The following NTM variants were observed in gnomAD, a reference collection of about 807,000 sequenced individuals.
NTM encodes the protein IgLON family member 2.
A neutral mutation model predicts 42.1 loss-of-function variants in NTM; 13 were observed. The observed-to-expected ratio is 0.31, with a 90% CI of 0.20 to 0.49. The LOEUF is 0.49. Ranked by LOEUF, NTM falls within the 20% of genes least tolerant of loss-of-function variation. The pLI, the probability that NTM is intolerant of heterozygous loss-of-function variation, is 0.99. For missense variants in NTM, 373 were observed against 452.8 expected (o/e 0.82, Z 1.60); for synonymous variants, 187 against 179.2 (o/e 1.04, Z -0.35).
At chr11:131,675,289 T>A (rs1449495342) in intron 1 of NTM, among the ~76,000 whole-genome samples, 1 of 152,220 alleles carries the variant, frequency 6.6e-6, no homozygotes, top group Non-Finnish European at 1.5e-5. Context: ...TCAAACCCAA[T>A]ATATCACGGG....
chr11:132,129,115 TTGTG>T (rs370465309), intron 2 of NTM, among the ~76,000 whole-genome samples: 1 of 151,828 alleles, frequency 6.6e-6, no homozygotes, highest in South Asian at 2.1e-4. Context: ...AGATGTGTGT[TTGTG>T]TGTGTGTGTT....
At chr11:131,661,403 G>A (rs757113312) in intron 1 of NTM, among the ~76,000 whole-genome samples, 36 of 152,326 alleles carry the variant, frequency 2.4e-4, no homozygotes, top group South Asian at 2.1e-4. Flanking sequence ...AAGGAAGAAC[G>A]TCATTCCTGA....
chr11:131,812,607 C>A (rs2092785183), intron 1 of NTM, among the ~76,000 whole-genome samples: 1 of 152,246 alleles, frequency 6.6e-6, no homozygotes, highest in Middle Eastern at 3.4e-3. Context: ...GAGCCTCCCA[C>A]CGGAACTCCA....
At chr11:131,424,579 G>GTTTTTTTTTTTTTTTT (rs1591628596) in intron 1 of NTM, among the ~76,000 whole-genome samples, 1 of 65,946 alleles carries the variant, frequency 1.5e-5, no homozygotes, top group African/African-American at 6.4e-5. Context: ...TTGCTTAGTT[G>GTTTTTTTTTTTTTTTT]TTTTTTATTT....
Position 132,168,610 on chromosome 11 carries a change from T to TC in NTM, c.400+22097dup, listed in dbSNP as rs984122394. 3.9e-5 allele frequency among the ~76,000 whole-genome samples: 6 copies of TC among 152,338 alleles called. No individual in the cohort carries two copies. The East Asian group carries it at 1.2e-3, about 29-fold the overall frequency. On this transcript the variant is annotated intron_variant, in intron 3 of 8. Coordinates refer to ENST00000683400, the MANE Select transcript of NTM (RefSeq NM_001352005.2). ...AGCCTCATCTCCTGGGCAGTGTTTT[T>TC]CTCCATCATTTGCTTTATTAAATAT...
chr11:131,967,552 T>C (rs1261841594), intron 2 of NTM, among the ~76,000 whole-genome samples: 1 of 152,000 alleles, frequency 6.6e-6, no homozygotes, highest in Admixed American at 6.6e-5. Context: ...ACCATTTTAA[T>C]GGGCCAGGGA....
chr11:132,281,412 A>T (rs1468133057), intron 4 of NTM, among the ~76,000 whole-genome samples: 2 of 152,292 alleles, frequency 1.3e-5, no homozygotes, highest in East Asian at 3.9e-4. Context: ...CCTCCGAAAG[A>T]GTTCAATATA....
At chr11:131,760,358 G>T (rs2083961104) in intron 1 of NTM, among the ~76,000 whole-genome samples, 1 of 152,060 alleles carries the variant, frequency 6.6e-6, no homozygotes, top group African/African-American at 2.4e-5. Flanking sequence ...AATGATGTCT[G>T]GTGTATGTTG....
At chr11:131,414,856 A>G (rs1022109808) in intron 1 of NTM, among the ~76,000 whole-genome samples, 3 of 152,154 alleles carry the variant, frequency 2.0e-5, no homozygotes, top group African/African-American at 7.2e-5. Context: ...CTTGCATGTT[A>G]GTCCTTCCAT....
intron 2 of NTM, among the ~76,000 whole-genome samples, chr11:132,067,531 G>T (rs1375943816): frequency 2.0e-5 from 3 of 152,186 alleles, no homozygotes; most frequent in Non-Finnish European, 4.4e-5. Flanking sequence ...TAGAAGACGG[G>T]TTATCTGCTT....
chr11:132,273,631 G>T (rs927573010), intron 4 of NTM, among the ~76,000 whole-genome samples: 2 of 152,072 alleles, frequency 1.3e-5, no homozygotes, highest in African/African-American at 4.8e-5. Flanking sequence ...CCTTGGCTGG[G>T]CGTGGTGGCT....
chr11:131,928,940 T>A (rs985127364), intron 2 of NTM, among the ~76,000 whole-genome samples: 1 of 152,266 alleles, frequency 6.6e-6, no homozygotes, highest in African/African-American at 2.4e-5. Context: ...ATTTTTTCAA[T>A]CAGTACAAAC....
At chr11:131,650,957 A>G (rs754654600) in intron 1 of NTM, among the ~76,000 whole-genome samples, 38 of 152,178 alleles carry the variant, frequency 2.5e-4, no homozygotes, top group Non-Finnish European at 4.1e-4. Flanking sequence ...TATAAATTTA[A>G]TCTATTGACC....
chr11:131,953,378 C>T (rs895354343), intron 2 of NTM, among the ~76,000 whole-genome samples: 1 of 152,134 alleles, frequency 6.6e-6, no homozygotes, highest in African/African-American at 2.4e-5. Context: ...GAATGGCAGA[C>T]TCCAAGTTTG....
chr11:131,395,941 A>T (rs1438381279), intron 1 of NTM, among the ~76,000 whole-genome samples: 3 of 152,202 alleles, frequency 2.0e-5, no homozygotes, highest in Admixed American at 6.5e-5. Context: ...CCCAAGGCTC[A>T]AGCAACAACC....
intron 3 of NTM, among the ~76,000 whole-genome samples, chr11:132,180,820 C>G (rs1232843275): frequency 6.6e-6 from 1 of 152,102 alleles, no homozygotes; most frequent in Non-Finnish European, 1.5e-5. Context: ...TGAGGCTCTC[C>G]CATCAGATTT....
chr11:131,779,062 TG>T (rs1320294150), intron 1 of NTM, among the ~76,000 whole-genome samples: 17 of 152,316 alleles, frequency 1.1e-4, no homozygotes, highest in African/African-American at 4.1e-4. Context: ...GGACTGCCGA[TG>T]GGGGCTACGT....
chr11:132,265,915 G>A (rs2093157116), intron 4 of NTM, among the ~76,000 whole-genome samples: 1 of 152,186 alleles, frequency 6.6e-6, no homozygotes, highest in Non-Finnish European at 1.5e-5. Context: ...GGGATACACT[G>A]TTGGGATTTC....
Position 131,637,813 on chromosome 11 carries a change from A to T in NTM, c.82+266925A>T, listed in dbSNP as rs559488407. Among the ~76,000 whole-genome samples the T allele has an allele frequency of 2.0e-5, 3 of 152,254 alleles. No individual in the cohort carries two copies. The East Asian group carries it at 5.8e-4, about 30-fold the overall frequency. On this transcript the variant is annotated intron_variant, in intron 1 of 8. Transcript: ENST00000683400. ...AACCTGGTGGTGCACAAGAGAAGGT[A>T]TCTCGCAGAGATGTTACAAGGATTA...
Sources: allele counts gnomAD v4.1 joint callset (sites outside exome capture counted in the v4.1 genomes callset), GRCh38; gene constraint gnomAD v4.1.1; transcripts MANE v1.5; gene names NCBI Gene and HGNC (gene_info 2026-07-23, HGNC 2026-07-21).